Variants in CTH observed in about 807,000 individuals in gnomAD.
The protein encoded by CTH is cystathionase (cystathionine gamma-lyase).
Under a neutral mutation model 50.6 loss-of-function variants are expected in CTH, and 41 were observed. The ratio of observed to expected loss-of-function variants is 0.81; its 90% CI spans 0.63 to 1.05. The LOEUF (loss-of-function observed/expected upper bound fraction) is 1.05, where lower values mean the gene tolerates loss of function less well. Ranked by LOEUF, CTH falls within the 50% of genes least tolerant of loss-of-function variation. The pLI is 0.00. For synonymous variants in CTH, 156 were observed against 168.9 expected, an observed-to-expected ratio of 0.92 and a Z score of 0.59; for missense variants, 470 against 492.6, an observed-to-expected ratio of 0.95 and a Z score of 0.43.
In CTH at chr1:70,411,544, GTCCA is replaced by G; in HGVS notation, c.130_133del (p.Ser44ProfsTer47). On this transcript the variant is annotated frameshift_variant, in exon 1 of 12. Transcript: ENST00000370938. LOFTEE classifies it high-confidence loss of function. ...GGGCTGTAGTGCCCCCCATCTCACTGTCCACCACGTTCAAGCAAGGGGCGCCTGG... is the reference window on the plus strand; with the variant it reads ...GGGCTGTAGTGCCCCCCATCTCACTGCCACGTTCAAGCAAGGGGCGCCTGG... 6.2e-7 allele frequency: 1 copy of G among 1,614,096 alleles called. No individual in the cohort carries two copies. The highest frequency in any genetic ancestry group is 8.5e-7 in the Non-Finnish European group (1 of 1,180,010).
At chr1:70,424,068 G>A (rs947431237) in intron 4 of CTH, among the ~76,000 whole-genome samples, 1 of 152,060 alleles carries the variant, frequency 6.6e-6, no homozygotes, top group Admixed American at 6.6e-5. Flanking sequence ...TGTAAGATAG[G>A]TATTACCAAC....
chr1:70,435,010 C>T (rs994444486), intron 9 of CTH, 115 bp from the exon 10 acceptor site: 11 of 960,120 alleles, frequency 1.1e-5, no homozygotes, highest in African/African-American at 3.4e-5. Flanking sequence ...CTTGGCCTCC[C>T]AAAGTGCTGG....
At chr1:70,430,205 C>A in intron 6 of CTH, 112 bp from the exon 7 acceptor site, 1 of 713,122 alleles carries the variant, frequency 1.4e-6, no homozygotes, top group Non-Finnish European at 2.5e-6. Flanking sequence ...AGAGCTTTTT[C>A]CCTGAGAGTT....
intron 7 of CTH, 28 bp downstream of exon 7, chr1:70,430,422 A>G: frequency 9.2e-7 from 1 of 1,087,732 alleles, no homozygotes; most frequent in African/African-American, 1.5e-5. Flanking sequence ...CAGGTTCCCT[A>G]TGACACTCTC....
intron 2 of CTH, among the ~76,000 whole-genome samples, chr1:70,416,860 C>G (rs1302411000): frequency 2.6e-5 from 4 of 152,002 alleles, no homozygotes; most frequent in African/African-American, 7.2e-5. Flanking sequence ...CCACGCCCAG[C>G]CTTTTTTTTG....
chr1:70,418,387 C>T (rs1179361104), intron 3 of CTH, among the ~76,000 whole-genome samples: 3 of 152,018 alleles, frequency 2.0e-5, no homozygotes, highest in African/African-American at 7.2e-5. Context: ...ATAGCTGGGA[C>T]CCCAGGCGCA....
At chr1:70,415,160 G>C (rs1359278951) in intron 1 of CTH, among the ~76,000 whole-genome samples, 1 of 152,086 alleles carries the variant, frequency 6.6e-6, no homozygotes, top group African/African-American at 2.4e-5. Flanking sequence ...CAGCACTTTG[G>C]GAGACCAATG....
intron 3 of CTH, among the ~76,000 whole-genome samples, chr1:70,420,981 G>C (rs915983204): frequency 6.6e-6 from 1 of 151,666 alleles, no homozygotes; most frequent in Non-Finnish European, 1.5e-5. Context: ...TTTTCTTTAA[G>C]TTTTTATGTG....
chr1:70,437,444 G>C (rs532452565), intron 10 of CTH, among the ~76,000 whole-genome samples: 3 of 152,130 alleles, frequency 2.0e-5, no homozygotes, highest in Non-Finnish European at 4.4e-5. Context: ...AAACCACCTA[G>C]TAGAGTATCT....
At chr1:70,438,981 G>A (rs1489152818) in intron 11 of CTH, 120 bp from the exon 12 acceptor site, 4 of 1,557,144 alleles carry the variant, frequency 2.6e-6, no homozygotes, top group South Asian at 1.1e-5. Flanking sequence ...AAACGTATAG[G>A]GAGCTCAGTC....
chr1:70,437,299 A>G (rs1343038470), intron 10 of CTH, among the ~76,000 whole-genome samples: 2 of 152,324 alleles, frequency 1.3e-5, no homozygotes, highest in Non-Finnish European at 2.9e-5. Context: ...ATTATCTTTT[A>G]TTAGACATCT....
At chr1:70,426,559 G>A (rs1011977090) in intron 5 of CTH, among the ~76,000 whole-genome samples, 20 of 152,070 alleles carry the variant, frequency 1.3e-4, no homozygotes, top group African/African-American at 4.6e-4. Flanking sequence ...CATTTTATTC[G>A]AAGGCATTGT....
At chr1:70,436,104 A>C (rs1246810438) in intron 10 of CTH, among the ~76,000 whole-genome samples, 1 of 152,006 alleles carries the variant, frequency 6.6e-6, no homozygotes, top group South Asian at 2.1e-4. Context: ...TGAGGTCAGG[A>C]GTTCAAGACC....
chr1:70,435,144 G>GC lies in CTH; in HGVS notation c.1020dup (p.Gly343ArgfsTer7). 6.2e-7 allele frequency: 1 copy of GC among 1,613,208 alleles called. No individual in the cohort carries two copies. The highest frequency in any genetic ancestry group is 8.5e-7 in the Non-Finnish European group (1 of 1,179,546). ...CTATAGCTATTTACTCTGGCCGAGA[G>GC]CTTGGGAGGATTCGAAAGCCTTGCT... On this transcript the variant is annotated frameshift_variant, in exon 10 of 12. Coordinates refer to ENST00000370938, the MANE Select transcript of CTH (RefSeq NM_001902.6). LOFTEE classifies it high-confidence loss of function.
intron 5 of CTH, among the ~76,000 whole-genome samples, chr1:70,428,323 T>C (rs1296176974): frequency 6.6e-6 from 1 of 152,094 alleles, no homozygotes; most frequent in Non-Finnish European, 1.5e-5. Flanking sequence ...GGTGTTCTAC[T>C]GCACAAAAGG....
chr1:70,417,580 T>C (rs76397750), intron 2 of CTH, among the ~76,000 whole-genome samples: 3,478 of 152,304 alleles, frequency 0.023, 136 homozygotes, highest in African/African-American at 0.079. Context: ...CCACCACGCC[T>C]GCCCTGAAAT....
At chr1:70,424,195 A>C (rs1039834097) in intron 4 of CTH, 90 bp from the exon 5 acceptor site, 42 of 1,603,960 alleles carry the variant, frequency 2.6e-5, no homozygotes, top group Non-Finnish European at 3.2e-5. Context: ...TCCATTATAC[A>C]ATGTAGCTTC....
chr1:70,411,346 C>A lies in CTH; in HGVS notation c.-70C>A. 2 of 1,547,894 alleles carry A rather than the reference C, an allele frequency of 1.3e-6. No individual in the cohort carries two copies. Among genetic ancestry groups the A allele is most frequent in the South Asian group, 1.1e-5 (1 of 89,534 alleles). ...GCCTGATCCTTCTGTCTCTCCCAAC[C>A]CCGGACACCCGGCTTCGACTGGTTA... On this transcript the variant is annotated 5_prime_UTR_variant, in exon 1 of 12. Coordinates refer to ENST00000370938, the MANE Select transcript of CTH (RefSeq NM_001902.6).
intron 4 of CTH, 90 bp downstream of exon 4, chr1:70,421,765 A>G (rs1684227524): frequency 7.6e-7 from 1 of 1,322,066 alleles, no homozygotes; most frequent in African/African-American, 1.5e-5. Flanking sequence ...ATTTAATGTG[A>G]ATAACAAATT....
Sources: gnomAD v4.1 joint callset for allele counts (sites outside exome capture counted in the v4.1 genomes callset) on GRCh38, gnomAD v4.1.1 for gene constraint, MANE v1.5 for transcripts, NCBI Gene and HGNC (gene_info 2026-07-23, HGNC 2026-07-21) for gene names.